SCN4B: variants seen among roughly 807,000 people sequenced by gnomAD.
SCN4B encodes the protein sodium channel regulatory subunit beta-4.
SCN4B carries 20 observed loss-of-function variants against 19.6 expected under a neutral mutation model. The ratio of observed to expected loss-of-function variants is 1.02; its 90% confidence interval spans 0.72 to 1.48. The LOEUF (loss-of-function observed/expected upper bound fraction) is 1.48, where lower values mean the gene tolerates loss of function less well. SCN4B is among the 40% of genes most tolerant of loss of function. The pLI, the probability that SCN4B is intolerant of heterozygous loss-of-function variation, is 0.00. For synonymous variants in SCN4B, 127 were observed against 122.8 expected, an observed-to-expected ratio of 1.03 and a Z score of -0.22; for missense variants, 271 against 287.5, an observed-to-expected ratio of 0.94 and a Z score of 0.42.
intron 1 of SCN4B, among the ~76,000 whole-genome samples, chr11:118,150,430 G>A (rs570382998): frequency 1.1e-4 from 17 of 152,230 alleles, no homozygotes; most frequent in South Asian, 6.2e-4. Context: ...GAAAAGAGCC[G>A]CTCTAGGCCC....
intron 3 of SCN4B, among the ~76,000 whole-genome samples, chr11:118,142,448 A>T (rs527747809): frequency 9.9e-5 from 15 of 151,478 alleles, no homozygotes; most frequent in Non-Finnish European, 1.9e-4. Context: ...TTCCCTATTC[A>T]CCCTGCTGGC....
intron 1 of SCN4B, among the ~76,000 whole-genome samples, chr11:118,151,756 G>A (rs923262723): frequency 6.6e-6 from 1 of 152,208 alleles, no homozygotes; most frequent in Non-Finnish European, 1.5e-5. Context: ...GATGGAGTCG[G>A]CTTACATTAA....
At chr11:118,145,449 G>C in intron 1 of SCN4B, 1 of 1,479,714 alleles carries the variant, frequency 6.8e-7, no homozygotes, top group Non-Finnish European at 9.0e-7. Flanking sequence ...CTGGACCAGG[G>C]AGTAGCCCTT....
rs1196340913 is a variant in SCN4B, at chr11:118,148,989, C to T, written c.61+3624G>A. Among the ~76,000 whole-genome samples, 2 of 152,144 alleles carry T rather than the reference C, an allele frequency of 1.3e-5. No homozygotes were observed. Among genetic ancestry groups the T allele is most frequent in the African/African-American group, 2.4e-5 (1 of 41,420 alleles). On this transcript the variant is annotated intron_variant, in intron 1 of 4. Coordinates refer to ENST00000324727, the MANE Select transcript of SCN4B (RefSeq NM_174934.4). This position sits in a 1 kb window ranked among gnomAD's most constrained non-coding sequence, Gnocchi z 4.0. ...GGAATTCCATCCTGAACCCCAAAAT[C>T]TTGCTTTTCCTCACTAAAAAGCCAC...
rs895153117 is a variant in SCN4B, at chr11:118,134,695, A to T, written c.*2332T>A. On this transcript the variant is annotated 3_prime_UTR_variant, in exon 5 of 5. Coordinates refer to ENST00000324727, the MANE Select transcript of SCN4B (RefSeq NM_174934.4). Reference sequence around the variant, plus strand: ...GGGTGGGATGGAAAGAAAGAGAGAGAGAGTGTGTGTGTCTGTATGTGGGTT... The same window carrying T: ...GGGTGGGATGGAAAGAAAGAGAGAGTGAGTGTGTGTGTCTGTATGTGGGTT... The T allele has an allele frequency of 4.4e-6, 2 of 453,974 alleles. No individual in the cohort carries two copies. Among genetic ancestry groups the T allele is most frequent in the Non-Finnish European group, 8.8e-6 (2 of 226,796 alleles). 28.1% of individuals were successfully genotyped at this position (453,974 alleles called of 1,614,324 possible). A position where few individuals can be genotyped will look rare whatever the true frequency, so the allele number is the denominator to read the frequency against.
rs1398729114 is a variant in SCN4B, at chr11:118,134,920, A to G, written c.*2107T>C. Reference sequence around the variant, plus strand: ...AAAGAGCTGAGCTGAGAGAAGCTGCATGATCCATCTAGAAATCAGCAGTAG... The same window carrying G: ...AAAGAGCTGAGCTGAGAGAAGCTGCGTGATCCATCTAGAAATCAGCAGTAG... On this transcript the variant is annotated 3_prime_UTR_variant, in exon 5 of 5. Coordinates refer to ENST00000324727, the MANE Select transcript of SCN4B (RefSeq NM_174934.4). 6.6e-6 allele frequency: 3 copies of G among 454,002 alleles called. No individual in the cohort carries two copies. In the Admixed American group the frequency reaches 7.0e-5, roughly 11 times the overall value. 28.1% of individuals were successfully genotyped at this position (454,002 alleles called of 1,614,324 possible).
Position 118,135,001 on chromosome 11 carries a change from G to A in SCN4B, c.*2026C>T. On this transcript the variant is annotated 3_prime_UTR_variant, in exon 5 of 5. Coordinates refer to ENST00000324727, the MANE Select transcript of SCN4B (RefSeq NM_174934.4). The stretch of plus-strand genomic sequence containing the variant: ...TTCTTCTCCCTACTCTACGTGCCTT[G>A]GCTTTCTCTTAAGACAGAAGGAGGA... The A allele has an allele frequency of 2.2e-6, 1 of 454,106 alleles. No individual in the cohort carries two copies. The highest frequency in any genetic ancestry group is 1.6e-5 in the South Asian group (1 of 64,476). The allele number at this position is 454,106 out of a possible 1,614,324, so 28.1% of individuals were successfully genotyped here. A position where few individuals can be genotyped will look rare whatever the true frequency, so the allele number is the denominator to read the frequency against.
intron 4 of SCN4B, among the ~76,000 whole-genome samples, chr11:118,138,342 C>G (rs1344334284): frequency 6.6e-6 from 1 of 152,144 alleles, no homozygotes; most frequent in Non-Finnish European, 1.5e-5. Context: ...TTCCTAGATC[C>G]CTTTTTCTTC....
Position 118,135,904 on chromosome 11 carries a change from C to T in SCN4B, c.*1123G>A, listed in dbSNP as rs1759236542. On this transcript the variant is annotated 3_prime_UTR_variant, in exon 5 of 5. Transcript: ENST00000324727. ...CCCAGGGTGGGAGGGGGTGGCCCAGCTGAGCAGGAAGCAGCTGGGAAACCC... is the reference window on the plus strand; with the variant it reads ...CCCAGGGTGGGAGGGGGTGGCCCAGTTGAGCAGGAAGCAGCTGGGAAACCC... 2 of 454,398 alleles carry T rather than the reference C, an allele frequency of 4.4e-6. No homozygotes were observed. The highest frequency in any genetic ancestry group is 1.6e-5 in the South Asian group (1 of 64,476). The allele number at this position is 454,398 out of a possible 1,614,324, so 28.1% of individuals were successfully genotyped here.
At chr11:118,150,861 C>T (rs561828374) in intron 1 of SCN4B, among the ~76,000 whole-genome samples, 74 of 152,288 alleles carry the variant, frequency 4.9e-4, no homozygotes, top group African/African-American at 1.6e-3. Flanking sequence ...GCCAAAGGGA[C>T]TTTGGTTGGA....
intron 1 of SCN4B, among the ~76,000 whole-genome samples, chr11:118,145,915 C>T (rs1355677979): frequency 6.6e-6 from 1 of 152,180 alleles, no homozygotes; most frequent in Non-Finnish European, 1.5e-5. Context: ...CGCAGGAAGA[C>T]GGCCTGGCAG....
At chr11:118,142,560 C>A (rs760162045) in intron 3 of SCN4B, among the ~76,000 whole-genome samples, 2 of 151,978 alleles carry the variant, frequency 1.3e-5, no homozygotes, top group South Asian at 2.1e-4. Context: ...TATCTCCATA[C>A]ACAGAAGAGG....
At position 118,135,951 on chromosome 11, in the gene SCN4B, AAG is replaced by A; in HGVS notation, c.*1074_*1075del. The A allele has an allele frequency of 2.2e-6, 1 of 453,762 alleles. No homozygotes were observed. 28.1% of individuals were successfully genotyped at this position (453,762 alleles called of 1,614,324 possible). ...ACCCAAGGACCCCCTCATCCAAAGGAAGAGAGTCCCTGAGGCGAAGGCAGGCC... is the reference window on the plus strand; with the variant it reads ...ACCCAAGGACCCCCTCATCCAAAGGAAGAGTCCCTGAGGCGAAGGCAGGCC... On this transcript the variant is annotated 3_prime_UTR_variant, in exon 5 of 5. Coordinates refer to ENST00000324727, the MANE Select transcript of SCN4B (RefSeq NM_174934.4).
At chr11:118,149,112 T>C (rs532381942) in intron 1 of SCN4B, among the ~76,000 whole-genome samples, 1 of 152,332 alleles carries the variant, frequency 6.6e-6, no homozygotes, top group South Asian at 2.1e-4. Context: ...ATCACTTTTG[T>C]TAAAGTGGAA....
intron 4 of SCN4B, among the ~76,000 whole-genome samples, chr11:118,139,108 T>C (rs1028601885): frequency 3.3e-5 from 5 of 152,112 alleles, no homozygotes; most frequent in African/African-American, 1.2e-4. Flanking sequence ...CGGAAGTCAA[T>C]CACAGCCTCG....
intron 3 of SCN4B, among the ~76,000 whole-genome samples, chr11:118,142,029 CA>C (rs1948105615): frequency 6.6e-6 from 1 of 152,256 alleles, no homozygotes; most frequent in Non-Finnish European, 1.5e-5. Context: ...AGAATCCTGA[CA>C]GCTCTAACTT....
rs1047192753 is a variant in SCN4B, at chr11:118,137,108, G to C, written c.606C>G (p.Leu202=). The C allele has an allele frequency of 1.9e-6, 3 of 1,612,972 alleles. No homozygotes were observed. The highest frequency in any genetic ancestry group is 4.5e-5 in the East Asian group (2 of 44,872). The stretch of plus-strand genomic sequence containing the variant: ...TGTTGTCATTCCCCGAGGAGCTCAC[G>C]AGACACTCCTTCCTGGAGAGGGAGA... ...KKTREKKKEC[L]VSSSGNDNTE... The change falls in exon 5 of 5, where the codon CTC becomes CTG. Residue 202 remains leucine (L), a synonymous_variant. Transcript: ENST00000324727.
chr11:118,134,201 G>T lies in SCN4B; in HGVS notation c.*2826C>A, dbSNP rs1252593433. On this transcript the variant is annotated 3_prime_UTR_variant, in exon 5 of 5. Coordinates refer to ENST00000324727, the MANE Select transcript of SCN4B (RefSeq NM_174934.4). Reference sequence around the variant, plus strand: ...CTGTTCAATTACGACATGGGGAGAAGCCCAGAACCTGGAATGCTGATTTCA... The same window carrying T: ...CTGTTCAATTACGACATGGGGAGAATCCCAGAACCTGGAATGCTGATTTCA... The T allele has an allele frequency of 2.2e-6, 1 of 454,072 alleles. No individual in the cohort carries two copies. Among genetic ancestry groups the T allele is most frequent in the Non-Finnish European group, 4.4e-6 (1 of 226,808 alleles). The allele number at this position is 454,072 out of a possible 1,614,324, so 28.1% of individuals were successfully genotyped here.
intron 3 of SCN4B, among the ~76,000 whole-genome samples, chr11:118,142,570 G>A (rs1025652969): frequency 1.3e-5 from 2 of 152,162 alleles, no homozygotes; most frequent in Non-Finnish European, 2.9e-5. Flanking sequence ...CACAGAAGAG[G>A]AGGAAGGTAA....
Sources: allele counts gnomAD v4.1 joint callset (sites outside exome capture counted in the v4.1 genomes callset), GRCh38; gene constraint gnomAD v4.1.1; non-coding constraint Gnocchi (gnomAD v3.1); transcripts MANE v1.5; gene names NCBI Gene and HGNC (gene_info 2026-07-23, HGNC 2026-07-21).